The following BCAT1 variants were observed in gnomAD, a reference collection of about 807,000 sequenced individuals.
The protein encoded by BCAT1 is branched-chain-amino-acid aminotransferase, cytosolic.
In BCAT1, 48 loss-of-function variants were observed where a neutral mutation model predicts 52.4. That is an observed-to-expected ratio of 0.92 (90% CI 0.73 to 1.16). BCAT1 has a LOEUF of 1.16. Among genes scored for constraint, BCAT1 ranks in the 50% most tolerant of loss-of-function variants. The probability of loss-of-function intolerance (pLI) is 0.00; values close to 1 mark genes in which losing one functional copy is unlikely to be tolerated. For missense variants in BCAT1, 451 were observed against 457.1 expected, an observed-to-expected ratio of 0.99 and a Z score of 0.12; for synonymous variants, 167 against 161.3, an observed-to-expected ratio of 1.04 and a Z score of -0.27.
At chr12:24,938,552 G>T (rs1195761760) in intron 1 of BCAT1, among the ~76,000 whole-genome samples, 7 of 152,128 alleles carry the variant, frequency 4.6e-5, no homozygotes, top group Non-Finnish European at 1.0e-4. Context: ...AGTCCCAGTG[G>T]TGTATTCCCT....
At chr12:24,944,507 A>C (rs889133490) in intron 1 of BCAT1, among the ~76,000 whole-genome samples, 12 of 152,216 alleles carry the variant, frequency 7.9e-5, no homozygotes, top group Non-Finnish European at 1.6e-4. Flanking sequence ...GAATATCCCA[A>C]CAGGTGCTCC....
intron 8 of BCAT1, chr12:24,833,956 G>C (rs1344121826): frequency 6.0e-6 from 1 of 168,030 alleles, no homozygotes; most frequent in Admixed American, 6.6e-5. Flanking sequence ...GAGCACCTGG[G>C]ACTACAGGTG....
chr12:24,856,407 C>A (rs754724672), intron 5 of BCAT1, among the ~76,000 whole-genome samples: 1 of 152,120 alleles, frequency 6.6e-6, no homozygotes, highest in Non-Finnish European at 1.5e-5. Context: ...CCTAAAATTC[C>A]TATGTTGAAA....
At chr12:24,871,267 A>T (rs1565474541) in intron 5 of BCAT1, among the ~76,000 whole-genome samples, 1 of 152,064 alleles carries the variant, frequency 6.6e-6, no homozygotes, top group African/African-American at 2.4e-5. Flanking sequence ...GGGTTGTATG[A>T]TTTTCCAGCT....
intron 7 of BCAT1, among the ~76,000 whole-genome samples, chr12:24,840,132 A>T (rs11047676): frequency 0.47 from 71,889 of 152,044 alleles, 17,305 homozygotes; most frequent in East Asian, 0.64. Flanking sequence ...TTTAAAAGCC[A>T]TGGTGGAAAT....
intron 6 of BCAT1, among the ~76,000 whole-genome samples, chr12:24,845,238 A>G (rs1941309932): frequency 6.6e-6 from 1 of 151,792 alleles, no homozygotes; most frequent in Non-Finnish European, 1.5e-5. Flanking sequence ...AAAAAGAGCC[A>G]TTAAAAGACG....
At chr12:24,860,011 T>A (rs1941810614) in intron 5 of BCAT1, among the ~76,000 whole-genome samples, 1 of 152,214 alleles carries the variant, frequency 6.6e-6, no homozygotes, top group Non-Finnish European at 1.5e-5. Context: ...TCAGTAATAA[T>A]TATAACTGTT....
At chr12:24,918,647 AT>A (rs1225360470) in intron 1 of BCAT1, among the ~76,000 whole-genome samples, 1 of 152,170 alleles carries the variant, frequency 6.6e-6, no homozygotes, top group Non-Finnish European at 1.5e-5. Flanking sequence ...ATGAAATTTG[AT>A]TTTCAGAAGT....
chr12:24,821,096 C>T (rs926578431), intron 10 of BCAT1, among the ~76,000 whole-genome samples: 1 of 152,164 alleles, frequency 6.6e-6, no homozygotes, highest in Non-Finnish European at 1.5e-5. Flanking sequence ...TTTGTATGCA[C>T]ACGGAGGACA....
At chr12:24,937,296 G>C (rs1433802583) in intron 1 of BCAT1, among the ~76,000 whole-genome samples, 1 of 152,142 alleles carries the variant, frequency 6.6e-6, no homozygotes, top group East Asian at 1.9e-4. Flanking sequence ...CTTCCAGGCA[G>C]AGGCATCAGC....
Position 24,899,981 on chromosome 12 carries a change from C to T in BCAT1, c.78+1833G>A, listed in dbSNP as rs977421720. ...TACAGTTAGATAGAAGCGATAAAGTCTACTGTTCATAGCAGAGTAGGGTGA... is the reference window on the plus strand; with the variant it reads ...TACAGTTAGATAGAAGCGATAAAGTTTACTGTTCATAGCAGAGTAGGGTGA... On this transcript the variant is annotated intron_variant, in intron 2 of 10. Coordinates refer to ENST00000261192, the MANE Select transcript of BCAT1 (RefSeq NM_005504.7). 2.6e-5 allele frequency among the ~76,000 whole-genome samples: 4 copies of T among 151,946 alleles called. No individual in the cohort carries two copies. In the South Asian group the frequency reaches 8.3e-4, roughly 31 times the overall value.
chr12:24,833,818 C>CTTTTTTTTTTTTTTTTTT (rs778891194), intron 8 of BCAT1: 1 of 145,858 alleles, frequency 6.9e-6, no homozygotes, highest in Non-Finnish European at 1.5e-5. Context: ...ACGTTTGTCT[C>CTTTTTTTTTTTTTTTTTT]TTTCTTTTTT....
intron 1 of BCAT1, among the ~76,000 whole-genome samples, chr12:24,940,703 C>T (rs1943835970): frequency 6.6e-6 from 1 of 152,108 alleles, no homozygotes. Context: ...AAAAGGAAAT[C>T]AGTTATCAGG....
At chr12:24,892,057 GTT>G (rs938963775) in intron 3 of BCAT1, among the ~76,000 whole-genome samples, 2 of 128,676 alleles carry the variant, frequency 1.6e-5, no homozygotes, top group Admixed American at 1.5e-4. Context: ...TCGCCTGGCC[GTT>G]TTTTGTTTTG....
chr12:24,916,657 C>T (rs1043035555), intron 1 of BCAT1, among the ~76,000 whole-genome samples: 1 of 152,214 alleles, frequency 6.6e-6, no homozygotes, highest in Non-Finnish European at 1.5e-5. Context: ...TCTCCTGCCT[C>T]AGCCTCCCGA....
chr12:24,885,224 G>T lies in BCAT1; in HGVS notation c.280-3813C>A, dbSNP rs529827177. Among the ~76,000 whole-genome samples, 11 of 152,240 alleles carry T rather than the reference G, an allele frequency of 7.2e-5. No homozygotes were observed. The South Asian group carries it at 2.3e-3, about 32-fold the overall frequency. On this transcript the variant is annotated intron_variant, in intron 3 of 10. Transcript: ENST00000261192. Reference sequence around the variant, plus strand: ...TAATATTTTGAAATCATCTGTTTAGGCAAGCTGGCCAGATGCAAAATTATA... The same window carrying T: ...TAATATTTTGAAATCATCTGTTTAGTCAAGCTGGCCAGATGCAAAATTATA...
intron 1 of BCAT1, among the ~76,000 whole-genome samples, chr12:24,933,908 A>G (rs1399387441): frequency 6.6e-6 from 1 of 152,128 alleles, no homozygotes; most frequent in Non-Finnish European, 1.5e-5. Flanking sequence ...ATGTTCACAT[A>G]GCGCACTGGG....
intron 1 of BCAT1, among the ~76,000 whole-genome samples, chr12:24,919,579 G>A (rs898234558): frequency 6.6e-6 from 1 of 152,178 alleles, no homozygotes; most frequent in Non-Finnish European, 1.5e-5. Flanking sequence ...ATGGTTATTT[G>A]TTCTAACATA....
At chr12:24,835,807 T>C (rs1260637345) in intron 8 of BCAT1, among the ~76,000 whole-genome samples, 1 of 151,996 alleles carries the variant, frequency 6.6e-6, no homozygotes, top group Non-Finnish European at 1.5e-5. Flanking sequence ...CCCAGGCTGG[T>C]CTCGAATTCC....
Sources: gnomAD v4.1 joint callset for allele counts (sites outside exome capture counted in the v4.1 genomes callset) on GRCh38, gnomAD v4.1.1 for gene constraint, MANE v1.5 for transcripts, NCBI Gene and HGNC (gene_info 2026-07-23, HGNC 2026-07-21) for gene names.